TP53I3: variants seen among roughly 807,000 people sequenced by gnomAD.
TP53I3 encodes the protein tumor protein p53 inducible protein 3.
TP53I3 carries 32 observed loss-of-function variants against 27.7 expected under a neutral mutation model. The observed-to-expected ratio is 1.16, with a 90% CI of 0.87 to 1.55. The LOEUF (loss-of-function observed/expected upper bound fraction) is 1.55, where lower values mean the gene tolerates loss of function less well. TP53I3 is among the 40% of genes most tolerant of loss of function. The pLI is 0.00. For missense variants in TP53I3, 372 were observed against 412.3 expected, an observed-to-expected ratio of 0.90 and a Z score of 0.85; for synonymous variants, 138 against 167.8, an observed-to-expected ratio of 0.82 and a Z score of 1.37.
In TP53I3 at chr2:24,084,025, T is replaced by C. The variant is rs1019907674; in HGVS notation, c.138+164A>G. ...TACAAGTACTCCCCCTTGTTTTGCA[T>C]GAACAAAGAGGGCGCCCTGGGTTTA... On this transcript the variant is annotated intron_variant, in intron 1 of 4. Coordinates refer to ENST00000238721, the MANE Select transcript of TP53I3 (RefSeq NM_004881.5). The surrounding 1 kb of genome is among the most constrained non-coding windows in gnomAD (Gnocchi z 8.4). Among the ~76,000 whole-genome samples, 1 of 152,088 alleles carries C rather than the reference T, an allele frequency of 6.6e-6. No individual in the cohort carries two copies. Among genetic ancestry groups the C allele is most frequent in the Admixed American group, 6.5e-5 (1 of 15,268 alleles).
In TP53I3 at chr2:24,080,610, G is replaced by A; in HGVS notation, c.619+209C>T. On this transcript the variant is annotated intron_variant, in intron 3 of 4. Coordinates refer to ENST00000238721, the MANE Select transcript of TP53I3 (RefSeq NM_004881.5). The surrounding 1 kb of genome is among the most constrained non-coding windows in gnomAD (Gnocchi z 4.7). ...AAAGTGTGGATGAATCTTATCTCTT[G>A]CAAGAATGCACATGGAAACCATCTT... 3 of 622,224 alleles carry A rather than the reference G, an allele frequency of 4.8e-6. No homozygotes were observed. The allele number at this position is 622,224 out of a possible 1,614,324, so 38.5% of individuals were successfully genotyped here. A position where few individuals can be genotyped will look rare whatever the true frequency, so the allele number is the denominator to read the frequency against.
At position 24,084,354 on chromosome 2, in the gene TP53I3, G is replaced by GGCAGGACAGGACAGGGCAGGGCAGT; in HGVS notation, c.-29_-28insACTGCCCTGCCCTGTCCTGTCCTGC. On this transcript the variant is annotated 5_prime_UTR_variant, in exon 1 of 5. Transcript: ENST00000238721. This position sits in a 1 kb window ranked among gnomAD's most constrained non-coding sequence, Gnocchi z 8.4. The stretch of plus-strand genomic sequence containing the variant: ...TGTCTGAGGACACAGGGCAGGGCAG[G>GGCAGGACAGGACAGGGCAGGGCAGT]GCAGGACAGGACAGGGCAGGGCAGG... 1.0e-5 allele frequency: 14 copies of GGCAGGACAGGACAGGGCAGGGCAGT among 1,389,102 alleles called. No homozygotes were observed. The Admixed American group carries it at 1.3e-4, about 13-fold the overall frequency. The allele number at this position is 1,389,102 out of a possible 1,614,324, so 86.0% of individuals were successfully genotyped here. A position where few individuals can be genotyped will look rare whatever the true frequency, so the allele number is the denominator to read the frequency against.
intron 2 of TP53I3, 66 bp from the exon 3 acceptor site, chr2:24,081,097 T>C: frequency 7.2e-7 from 1 of 1,383,754 alleles, no homozygotes; most frequent in South Asian, 1.4e-5. Flanking sequence ...ACAGGCATAT[T>C]CTATCAAGAT....
rs1339321135 is a variant in TP53I3 at position 24,082,896 on chromosome 2, A to T, written c.395T>A (p.Leu132Ter). ...GGAGGCCTCCTCACCCACAAGATGT[A>T]ACAGCTGGAAGGCGGTGAGCCAGGC... ...PEAWLTAFQL[L>*]HLVGNVQAGD... The change falls in exon 2 of 5, where the codon TTA becomes TAA. Residue 132 changes from leucine to a stop codon, truncating the protein, a stop_gained. Transcript: ENST00000238721. LOFTEE classifies it high-confidence loss of function. 6.2e-7 allele frequency: 1 copy of T among 1,606,874 alleles called. No homozygotes were observed. Among genetic ancestry groups the T allele is most frequent in the Non-Finnish European group, 8.5e-7 (1 of 1,175,750 alleles).
At position 24,084,550 on chromosome 2, in the gene TP53I3, G is replaced by C. The variant is rs1665176161; in HGVS notation, c.-224C>G. 1 of 568,964 alleles carries C rather than the reference G, an allele frequency of 1.8e-6. No individual in the cohort carries two copies. The highest frequency in any genetic ancestry group is 2.0e-5 in the African/African-American group (1 of 50,308). 35.2% of individuals were successfully genotyped at this position (568,964 alleles called of 1,614,324 possible). On this transcript the variant is annotated 5_prime_UTR_variant, in exon 1 of 5. Transcript: ENST00000238721. The surrounding 1 kb of genome is among the most constrained non-coding windows in gnomAD (Gnocchi z 8.4). ...CCGAGCTCCTGCCTGGGAAGTCCTC[G>C]GCCGCCTCCAGACCGATCCCACCCG... is the stretch of plus-strand genomic sequence containing the variant.
At chr2:24,081,375 ACACCTGAATAAGTAAGAACAACTACCATT>A (rs562663003) in intron 2 of TP53I3, among the ~76,000 whole-genome samples, 153 of 152,324 alleles carry the variant, frequency 1.0e-3, no homozygotes, top group African/African-American at 3.5e-3. Context: ...TCTCTGACCT[ACACCTGAATAAGTAAGAACAACTACCATT>A]CCCATGGTCA....
Position 24,084,152 on chromosome 2 carries a change from A to G in TP53I3, c.138+37T>C, listed in dbSNP as rs1255424638. ...AGTGCTGTTGAGAGGGAGGCTCTGG[A>G]GTCCCGCCCGCCCCGGCGCGGCTGA... On this transcript the variant is annotated intron_variant, in intron 1 of 4. Transcript: ENST00000238721. The surrounding 1 kb of genome is among the most constrained non-coding windows in gnomAD (Gnocchi z 8.4). The G allele has an allele frequency of 6.3e-7, 1 of 1,584,282 alleles. No individual in the cohort carries two copies. Among genetic ancestry groups the G allele is most frequent in the Non-Finnish European group, 8.6e-7 (1 of 1,168,214 alleles).
chr2:24,080,933 G>A lies in TP53I3; in HGVS notation c.505C>T (p.Leu169=). ...TTCTTCTGGGAGCCAGCTGTGACCA[G>A]AGGAATAGCTCCAGCCATCCGGGTG... ...QLTRMAGAIP[L]VTAGSQKKLQ... The change falls in exon 3 of 5, where the codon CTG becomes TTG. Residue 169 remains leucine (L), a synonymous_variant. Transcript: ENST00000238721. The surrounding 1 kb of genome is among the most constrained non-coding windows in gnomAD (Gnocchi z 4.7). The A allele has an allele frequency of 6.2e-7, 1 of 1,614,214 alleles. No homozygotes were observed. The highest frequency in any genetic ancestry group is 8.5e-7 in the Non-Finnish European group (1 of 1,180,046).
At position 24,080,777 on chromosome 2, in the gene TP53I3, C is replaced by A; in HGVS notation, c.619+42G>T. ...GAGACTGGTGGGGCTTTTATTTAAT[C>A]ATCTCTTAAATTCCTGCTGAACTGT... On this transcript the variant is annotated intron_variant, in intron 3 of 4. Coordinates refer to ENST00000238721, the MANE Select transcript of TP53I3 (RefSeq NM_004881.5). The surrounding 1 kb of genome is among the most constrained non-coding windows in gnomAD (Gnocchi z 4.7). 1 of 1,607,956 alleles carries A rather than the reference C, an allele frequency of 6.2e-7. No homozygotes were observed. Among genetic ancestry groups the A allele is most frequent in the Non-Finnish European group, 8.5e-7 (1 of 1,175,130 alleles).
chr2:24,084,378 G>A lies in TP53I3; in HGVS notation c.-52C>T. On this transcript the variant is annotated 5_prime_UTR_variant, in exon 1 of 5. Coordinates refer to ENST00000238721, the MANE Select transcript of TP53I3 (RefSeq NM_004881.5). The surrounding 1 kb of genome is among the most constrained non-coding windows in gnomAD (Gnocchi z 8.4). The stretch of plus-strand genomic sequence containing the variant: ...GGGCAGGACAGGACAGGGCAGGGCA[G>A]GGCAGGACAGGACAGGGCAGGGCAG... 2.9e-6 allele frequency: 4 copies of A among 1,381,050 alleles called. No individual in the cohort carries two copies. The highest frequency in any genetic ancestry group is 4.0e-6 in the Non-Finnish European group (4 of 991,340). 85.5% of individuals were successfully genotyped at this position (1,381,050 alleles called of 1,614,324 possible).
rs34362184 is a variant in TP53I3, at chr2:24,084,578, A to G, written c.-252T>C. Reference sequence around the variant, plus strand: ...CGCCTCCAGACCGATCCCACCCGGAACACAGATGGGAACGGCGGGAAGTGG... The same window carrying G: ...CGCCTCCAGACCGATCCCACCCGGAGCACAGATGGGAACGGCGGGAAGTGG... On this transcript the variant is annotated 5_prime_UTR_variant, in exon 1 of 5. Transcript: ENST00000238721. The surrounding 1 kb of genome is among the most constrained non-coding windows in gnomAD (Gnocchi z 8.4). 2.3e-6 allele frequency: 1 copy of G among 439,884 alleles called. No homozygotes were observed. The highest frequency in any genetic ancestry group is 3.8e-5 in the East Asian group (1 of 26,164). 27.2% of individuals were successfully genotyped at this position (439,884 alleles called of 1,614,324 possible).
rs1479210115 is a variant in TP53I3 at position 24,084,682 on chromosome 2, G to C, written c.-356C>G. On this transcript the variant is annotated 5_prime_UTR_variant, in exon 1 of 5. Coordinates refer to ENST00000238721, the MANE Select transcript of TP53I3 (RefSeq NM_004881.5). This position sits in a 1 kb window ranked among gnomAD's most constrained non-coding sequence, Gnocchi z 8.4. ...GGCAAATCACACTCCCTCTGAGTTG[G>C]AAGCCCCCAGCCCGACCCGGGTCCC... is the stretch of plus-strand genomic sequence containing the variant. The C allele has an allele frequency of 5.0e-6, 1 of 199,110 alleles. No individual in the cohort carries two copies. The highest frequency in any genetic ancestry group is 1.0e-5 in the Non-Finnish European group (1 of 99,256). The allele number at this position is 199,110 out of a possible 1,614,324, so 12.3% of individuals were successfully genotyped here.
chr2:24,084,164 C>T lies in TP53I3; in HGVS notation c.138+25G>A, dbSNP rs928691303. On this transcript the variant is annotated intron_variant, in intron 1 of 4. Coordinates refer to ENST00000238721, the MANE Select transcript of TP53I3 (RefSeq NM_004881.5). The surrounding 1 kb of genome is among the most constrained non-coding windows in gnomAD (Gnocchi z 8.4). ...AGGGAGGCTCTGGAGTCCCGCCCGC[C>T]CCGGCGCGGCTGAGCCCTGGGTACC... 1 of 1,596,598 alleles carries T rather than the reference C, an allele frequency of 6.3e-7. No homozygotes were observed. Among genetic ancestry groups the T allele is most frequent in the Non-Finnish European group, 8.5e-7 (1 of 1,172,944 alleles).
chr2:24,077,838 G>A lies in TP53I3; in HGVS notation c.817-77C>T. The A allele has an allele frequency of 1.3e-6, 2 of 1,506,564 alleles. No homozygotes were observed. The highest frequency in any genetic ancestry group is 1.8e-6 in the Non-Finnish European group (2 of 1,114,666). 93.3% of individuals were successfully genotyped at this position (1,506,564 alleles called of 1,614,324 possible). A position where few individuals can be genotyped will look rare whatever the true frequency, so the allele number is the denominator to read the frequency against. On this transcript the variant is annotated intron_variant, in intron 4 of 4. Transcript: ENST00000238721. This position sits in a 1 kb window ranked among gnomAD's most constrained non-coding sequence, Gnocchi z 5.5. The stretch of plus-strand genomic sequence containing the variant: ...CCTCCTCATCCTCCTCAGCCTTCTT[G>A]CTCTCTCTGAAGCCACGTATCTGAA...
intron 1 of TP53I3, 42 bp from the exon 2 acceptor site, chr2:24,083,194 A>T (rs769971550): frequency 3.2e-6 from 5 of 1,544,680 alleles, no homozygotes; most frequent in Admixed American, 2.0e-5. Context: ...CATGATCAGA[A>T]ATCTGTATGT....
intron 2 of TP53I3, 37 bp from the exon 3 acceptor site, chr2:24,081,068 A>G (rs1000012539): frequency 2.5e-6 from 4 of 1,579,312 alleles, no homozygotes; most frequent in Non-Finnish European, 3.5e-6. Flanking sequence ...TTACTTTGCA[A>G]CTGCTACACA....
chr2:24,079,845 G>T (rs1266441820), intron 3 of TP53I3, among the ~76,000 whole-genome samples: 1 of 152,148 alleles, frequency 6.6e-6, no homozygotes. Flanking sequence ...CATTTATGAG[G>T]CCTAGCTACA....
At position 24,082,966 on chromosome 2, in the gene TP53I3, T is replaced by C. The variant is rs1665073472; in HGVS notation, c.325A>G (p.Ile109Val). The C allele has an allele frequency of 2.5e-6, 4 of 1,614,130 alleles. No individual in the cohort carries two copies. Among genetic ancestry groups the C allele is most frequent in the East Asian group, 2.2e-5 (1 of 44,878 alleles). ...TGGGTCAGGGTCAATCCCTCTGGGA[T>C]AGGCATGAGGAGCCCTTCGGGGACA... ...VTVPEGLLMP[I>V]PEGLTLTQAA... is the part of the protein sequence containing the mutation. Residue 109 changes from isoleucine to valine, a missense_variant, in exon 2 of 5, where the codon ATC becomes GTC. Transcript: ENST00000238721.
At position 24,083,350 on chromosome 2, in the gene TP53I3, G is replaced by A. The variant is rs1200080036; in HGVS notation, c.139-198C>T. On this transcript the variant is annotated intron_variant, in intron 1 of 4. Transcript: ENST00000238721. ...ATAAACTGGAGGTCACATGATCAGT[G>A]GATGTTATAACTGGTAGAGTCCTTA... Among the ~76,000 whole-genome samples, 5 of 152,178 alleles carry A rather than the reference G, an allele frequency of 3.3e-5. No homozygotes were observed. The East Asian group carries it at 5.8e-4, about 18-fold the overall frequency.
Sources: gnomAD v4.1 joint callset for allele counts (sites outside exome capture counted in the v4.1 genomes callset) on GRCh38, gnomAD v4.1.1 for gene constraint, Gnocchi (gnomAD v3.1) non-coding constraint, MANE v1.5 for transcripts, NCBI Gene and HGNC (gene_info 2026-07-23, HGNC 2026-07-21) for gene names.